ZNF143: variants seen among roughly 807,000 people sequenced by gnomAD.
ZNF143 encodes zinc finger protein 143.
A neutral mutation model predicts 74.1 loss-of-function variants in ZNF143; 49 were observed. The observed-to-expected ratio is 0.66, with a 90% confidence interval of 0.53 to 0.84. The LOEUF (loss-of-function observed/expected upper bound fraction) is 0.84. Ranked by LOEUF, ZNF143 falls within the 40% of genes least tolerant of loss-of-function variation. The pLI is 0.00. For synonymous variants in ZNF143, 304 were observed against 282.8 expected (o/e 1.07, Z -0.75); for missense variants, 637 against 793.4 (o/e 0.80, Z 2.37).
intron 13 of ZNF143, among the ~76,000 whole-genome samples, chr11:9,514,327 C>G (rs1848652500): frequency 6.6e-6 from 1 of 152,206 alleles, no homozygotes; most frequent in Admixed American, 6.5e-5. Context: ...TGTACTTTCT[C>G]TACACTTAAC....
Position 9,527,944 on chromosome 11 carries a change from T to G in ZNF143, c.*331T>G. ...TGGAGTCTTATGATGGATTTTTAAC[T>G]TCCCGTGGAAAAAAAAATAAAGGCT... On this transcript the variant is annotated 3_prime_UTR_variant, in exon 16 of 16. Coordinates refer to ENST00000396602, the MANE Select transcript of ZNF143 (RefSeq NM_003442.6). 5.8e-6 allele frequency: 1 copy of G among 172,888 alleles called. No homozygotes were observed. The highest frequency in any genetic ancestry group is 1.5e-4 in the East Asian group (1 of 6,688). The allele number at this position is 172,888 out of a possible 1,614,324, so 10.7% of individuals were successfully genotyped here.
intron 5 of ZNF143, among the ~76,000 whole-genome samples, chr11:9,475,908 A>ATGTGTGTG (rs1206618102): frequency 5.1e-5 from 6 of 117,674 alleles, no homozygotes; most frequent in East Asian, 3.0e-4. Context: ...AAAAAAATAT[A>ATGTGTGTG]TATGTGTGTG....
chr11:9,468,169 C>T (rs994675744), intron 1 of ZNF143, among the ~76,000 whole-genome samples: 1 of 152,184 alleles, frequency 6.6e-6, no homozygotes, highest in East Asian at 1.9e-4. Flanking sequence ...CTGCTCTGTG[C>T]ATGGAGTGCC....
intron 8 of ZNF143, among the ~76,000 whole-genome samples, 184 bp downstream of exon 8, chr11:9,494,949 GA>G (rs1565046569): frequency 2.0e-5 from 3 of 152,168 alleles, no homozygotes; most frequent in African/African-American, 7.2e-5. Flanking sequence ...TTAATTTTTT[GA>G]GGGCTTGGAC....
rs996233483 is a variant in ZNF143 at position 9,524,065 on chromosome 11, A to AC, written c.1687-1175_1687-1174insC. 2.0e-5 allele frequency among the ~76,000 whole-genome samples: 3 copies of AC among 148,982 alleles called. 1 individual carries two copies. The highest frequency in any genetic ancestry group is 7.4e-5 in the African/African-American group (3 of 40,766). On this transcript the variant is annotated intron_variant, in intron 14 of 15. Coordinates refer to ENST00000396602, the MANE Select transcript of ZNF143 (RefSeq NM_003442.6). ...TACCTCAAAAAAAAAAAAAAAAAAA[A>AC]GGATTTGAGGACAGTTTATACAAAG...
chr11:9,518,846 T>C (rs1012878502), intron 14 of ZNF143, among the ~76,000 whole-genome samples: 5 of 152,344 alleles, frequency 3.3e-5, no homozygotes, highest in Non-Finnish European at 7.3e-5. Flanking sequence ...AGTAATCGTG[T>C]TATGGATCTA....
At position 9,513,331 on chromosome 11, in the gene ZNF143, T is replaced by C. The variant is rs370035323; in HGVS notation, c.1524+735T>C. Among the ~76,000 whole-genome samples the C allele has an allele frequency of 9.2e-5, 14 of 152,370 alleles. No homozygotes were observed. The East Asian group carries it at 1.7e-3, about 19-fold the overall frequency. On this transcript the variant is annotated intron_variant, in intron 13 of 15. Transcript: ENST00000396602. ...CTCAGGATTAGAAAATACAAAGCTCTTACACCTTCTCATTTATCTCCTTCC... is the reference window on the plus strand; with the variant it reads ...CTCAGGATTAGAAAATACAAAGCTCCTACACCTTCTCATTTATCTCCTTCC...
At position 9,498,223 on chromosome 11, in the gene ZNF143, A is replaced by C. The variant is rs1848037780; in HGVS notation, c.967+423A>C. Among the ~76,000 whole-genome samples the C allele has an allele frequency of 2.6e-5, 4 of 152,202 alleles. 1 individual carries two copies. The South Asian group carries it at 8.3e-4, about 31-fold the overall frequency. On this transcript the variant is annotated intron_variant, in intron 10 of 15. Coordinates refer to ENST00000396602, the MANE Select transcript of ZNF143 (RefSeq NM_003442.6). ...ATCAAGGGCTTCTCTTGAAACCCTGAAATTCCATATGACTTGCTGTATATG... is the reference window on the plus strand; with the variant it reads ...ATCAAGGGCTTCTCTTGAAACCCTGCAATTCCATATGACTTGCTGTATATG...
Position 9,472,319 on chromosome 11 carries a change from C to T in ZNF143, c.113-358C>T, listed in dbSNP as rs372742471. Among the ~76,000 whole-genome samples, 35 of 152,236 alleles carry T rather than the reference C, an allele frequency of 2.3e-4. 1 individual carries two copies. The highest frequency in any genetic ancestry group is 8.4e-4 in the African/African-American group (35 of 41,526). ...CCAGGCTGGAGGGCAGTGGCACAAT[C>T]TCGGCTCACTGCAACCTCTGCCTCC... is the stretch of plus-strand genomic sequence containing the variant. On this transcript the variant is annotated intron_variant, in intron 2 of 15. Coordinates refer to ENST00000396602, the MANE Select transcript of ZNF143 (RefSeq NM_003442.6).
rs556266593 is a variant in ZNF143, at chr11:9,486,711, C to T, written c.645+7165C>T. 3.1e-4 allele frequency among the ~76,000 whole-genome samples: 46 copies of T among 150,092 alleles called. 2 individuals carry two copies. The highest frequency in any genetic ancestry group is 1.1e-3 in the African/African-American group (45 of 40,060). ...TGAGACAGAGTCTCACTCTGTCACC[C>T]AGGCTGGAGTGCAGTGGTGTAATCT... On this transcript the variant is annotated intron_variant, in intron 7 of 15. Coordinates refer to ENST00000396602, the MANE Select transcript of ZNF143 (RefSeq NM_003442.6).
chr11:9,470,806 A>C (rs144284638), intron 1 of ZNF143, among the ~76,000 whole-genome samples: 1 of 152,222 alleles, frequency 6.6e-6, no homozygotes, highest in African/African-American at 2.4e-5. Flanking sequence ...AGAGTGTAGG[A>C]GGCTAATGGA....
In ZNF143 at chr11:9,478,504, ATGGGACAGTGGCAGG is replaced by A. The variant is rs747829744; in HGVS notation, c.490_504del (p.Gly164_Gly168del). The A allele has an allele frequency of 8.1e-6, 13 of 1,614,196 alleles. No individual in the cohort carries two copies. The highest frequency in any genetic ancestry group is 1.1e-5 in the Non-Finnish European group (13 of 1,180,032). On this transcript the variant is annotated inframe_deletion, in exon 6 of 16. Transcript: ENST00000396602. ...GACACCATCTTGGCAATTCAGGCTG[ATGGGACAGTGGCAGG>A]TCTGCACACTGGGGATGCTACAATT...
chr11:9,513,357 T>G (rs773358867), intron 13 of ZNF143, among the ~76,000 whole-genome samples: 4 of 152,250 alleles, frequency 2.6e-5, no homozygotes, highest in Non-Finnish European at 4.4e-5. Flanking sequence ...ATCTCCTTCC[T>G]CACTTTGACG....
In ZNF143 at chr11:9,484,876, C is replaced by T. The variant is rs1294618028; in HGVS notation, c.645+5330C>T. Among the ~76,000 whole-genome samples, 6 of 138,864 alleles carry T rather than the reference C, an allele frequency of 4.3e-5. No homozygotes were observed. In the South Asian group the frequency reaches 9.1e-4, roughly 21 times the overall value. 91.1% of individuals were successfully genotyped at this position (138,864 alleles called of 152,430 possible). Reference sequence around the variant, plus strand: ...GCAGTGGCGCGATCTTGGCTCACTGCAAGCTCCACCTCCCGGGTTCACGCC... The same window carrying T: ...GCAGTGGCGCGATCTTGGCTCACTGTAAGCTCCACCTCCCGGGTTCACGCC... On this transcript the variant is annotated intron_variant, in intron 7 of 15. Transcript: ENST00000396602.
intron 1 of ZNF143, among the ~76,000 whole-genome samples, chr11:9,463,599 T>C (rs1452197908): frequency 6.6e-6 from 1 of 152,266 alleles, no homozygotes; most frequent in African/African-American, 2.4e-5. Flanking sequence ...GTTTGAATTC[T>C]TTACCCATTT....
chr11:9,494,553 C>A, intron 7 of ZNF143, 93 bp from the exon 8 acceptor site: 1 of 1,294,144 alleles, frequency 7.7e-7, no homozygotes, highest in Non-Finnish European at 1.1e-6. Flanking sequence ...TCAAATGATC[C>A]GCCTACCTCT....
At chr11:9,498,237 T>C (rs990051611) in intron 10 of ZNF143, among the ~76,000 whole-genome samples, 4 of 152,226 alleles carry the variant, frequency 2.6e-5, no homozygotes, top group Non-Finnish European at 5.9e-5. Flanking sequence ...TCCATATGAC[T>C]TGCTGTATAT....
chr11:9,506,830 G>C (rs1480020837), intron 11 of ZNF143, among the ~76,000 whole-genome samples: 4 of 150,312 alleles, frequency 2.7e-5, no homozygotes, highest in Non-Finnish European at 5.9e-5. Context: ...TTTTTTCTTT[G>C]CAAGGCTCGT....
At position 9,501,201 on chromosome 11, in the gene ZNF143, A is replaced by G. The variant is rs776964389; in HGVS notation, c.1078A>G (p.Thr360Ala). The G allele has an allele frequency of 3.1e-6, 5 of 1,614,230 alleles. No individual in the cohort carries two copies. The highest frequency in any genetic ancestry group is 4.2e-6 in the Non-Finnish European group (5 of 1,180,048). Residue 360 changes from threonine (T) to alanine (A), a missense_variant, in exon 11 of 16, where the codon ACA becomes GCA. Thr to Ala is a moderately conservative substitution (Grantham distance 58, BLOSUM62 0). Coordinates refer to ENST00000396602, the MANE Select transcript of ZNF143 (RefSeq NM_003442.6). ...THTGERPYYC[T>A]EPGCGRAFAS... is the part of the protein sequence containing the mutation. ...CACAGGAGAAAGACCTTATTACTGC[A>G]CAGAGCCAGGATGTGGGAGGGCATT... is the stretch of plus-strand genomic sequence containing the variant.
Sources: allele counts gnomAD v4.1 joint callset (sites outside exome capture counted in the v4.1 genomes callset), GRCh38; gene constraint gnomAD v4.1.1; transcripts MANE v1.5; gene names NCBI Gene and HGNC (gene_info 2026-07-23, HGNC 2026-07-21).